SLC44A5: variants seen among roughly 807,000 people sequenced by gnomAD.
The protein encoded by SLC44A5 is choline transporter-like protein 5.
Under a neutral mutation model 101.8 loss-of-function variants are expected in SLC44A5, and 57 were observed. That is an observed-to-expected ratio of 0.56 (90% CI 0.45 to 0.70). The LOEUF is 0.70. SLC44A5 is among the 30% of genes least tolerant of loss of function. The pLI is 0.00. For missense variants in SLC44A5, 737 were observed against 853.1 expected (o/e 0.86, Z 1.70); for synonymous variants, 281 against 290.9 (o/e 0.97, Z 0.35).
intron 6 of SLC44A5, among the ~76,000 whole-genome samples, chr1:75,265,901 C>T (rs1216442016): frequency 1.3e-5 from 2 of 152,134 alleles, no homozygotes; most frequent in Non-Finnish European, 2.9e-5. Context: ...AAAAATCAAT[C>T]ACGTTCTCTT....
At chr1:75,706,664 T>G in the SLC44A5 span, among the ~76,000 whole-genome samples, 2 of 152,190 alleles carry the variant, frequency 1.3e-5, no homozygotes, top group African/African-American at 4.8e-5. Flanking sequence ...TGTTTTGCCT[T>G]GTGATTCTTG....
At chr1:75,697,692 C>T in the SLC44A5 span, among the ~76,000 whole-genome samples, 4 of 152,162 alleles carry the variant, frequency 2.6e-5, no homozygotes, top group Non-Finnish European at 5.9e-5. Flanking sequence ...CAGCTCCCAG[C>T]GTGAGTGACG....
chr1:75,467,565 A>T (rs1570366037), intron 2 of SLC44A5, among the ~76,000 whole-genome samples: 1 of 152,220 alleles, frequency 6.6e-6, no homozygotes, highest in Non-Finnish European at 1.5e-5. Flanking sequence ...AAAGGTGCCA[A>T]GAACATACAC....
At chr1:75,204,368 A>T (rs559960495) in intron 23 of SLC44A5, 14 of 152,298 alleles carry the variant, frequency 9.2e-5, no homozygotes, top group Admixed American at 6.5e-4. Context: ...TTTATTCTAC[A>T]TATTTCAATT....
At chr1:75,411,517 T>A (rs1488311764) in intron 2 of SLC44A5, among the ~76,000 whole-genome samples, 1 of 152,008 alleles carries the variant, frequency 6.6e-6, no homozygotes, top group East Asian at 1.9e-4. Flanking sequence ...GAGCATGAAG[T>A]ACCAACTATT....
intron 4 of SLC44A5, among the ~76,000 whole-genome samples, chr1:75,332,226 T>G (rs976927866): frequency 6.6e-5 from 10 of 152,188 alleles, no homozygotes; most frequent in Admixed American, 6.5e-5. Flanking sequence ...TAAAAAGAAC[T>G]GTATAATCCA....
intron 2 of SLC44A5, among the ~76,000 whole-genome samples, chr1:75,477,418 G>C (rs1354866325): frequency 6.6e-6 from 1 of 152,192 alleles, no homozygotes; most frequent in Admixed American, 6.5e-5. Flanking sequence ...TGACTTTGAC[G>C]AGTTGAGAGA....
intron 3 of SLC44A5, among the ~76,000 whole-genome samples, chr1:75,358,812 A>G (rs1174416906): frequency 1.3e-5 from 2 of 152,234 alleles, no homozygotes; most frequent in South Asian, 2.1e-4. Flanking sequence ...TCAAGCTGAT[A>G]AACATATCCC....
chr1:75,708,349 G>A, the SLC44A5 span, among the ~76,000 whole-genome samples: 1 of 145,594 alleles, frequency 6.9e-6, no homozygotes, highest in East Asian at 2.0e-4. Context: ...ATGAGGTGGA[G>A]GTTTCAGTGA....
chr1:75,578,228 T>C (rs921629325), intron 1 of SLC44A5, among the ~76,000 whole-genome samples: 18 of 152,142 alleles, frequency 1.2e-4, no homozygotes, highest in Admixed American at 1.2e-3. Flanking sequence ...TCTGTATTCA[T>C]TTTTTATGAT....
In SLC44A5 at chr1:75,511,381, TA is replaced by T. The variant is rs531959727; in HGVS notation, c.13+30053del. The stretch of plus-strand genomic sequence containing the variant: ...TTACACGGTAATTATATCAGTTAAT[TA>T]AAAATATACATAAAGGCTATGGATG... On this transcript the variant is annotated intron_variant, in intron 2 of 23. Transcript: ENST00000370859. Among the ~76,000 whole-genome samples, 724 of 152,240 alleles carry T rather than the reference TA, an allele frequency of 4.8e-3. 3 individuals are homozygous for T. The highest frequency in any genetic ancestry group is 8.0e-3 in the Non-Finnish European group (545 of 68,020).
intron 9 of SLC44A5, among the ~76,000 whole-genome samples, chr1:75,240,586 T>C (rs1648531483): frequency 6.6e-6 from 1 of 152,098 alleles, no homozygotes; most frequent in African/African-American, 2.4e-5. Context: ...ATTTTGGCTA[T>C]GGACATTTGT....
In SLC44A5 at chr1:75,532,019, TC is replaced by T. The variant is rs1557879919; in HGVS notation, c.13+9415del. 5.3e-3 allele frequency among the ~76,000 whole-genome samples: 804 copies of T among 152,274 alleles called. 8 individuals carry two copies. Among genetic ancestry groups the T allele is most frequent in the African/African-American group, 0.018 (762 of 41,552 alleles). The stretch of plus-strand genomic sequence containing the variant: ...AAACCATCAATGGAAACCATCAGCA[TC>T]ACCTGGAAACTTGTTAGAATGCAAA... On this transcript the variant is annotated intron_variant, in intron 2 of 23. Coordinates refer to ENST00000370859, the MANE Select transcript of SLC44A5 (RefSeq NM_001130058.2).
At chr1:75,217,203 G>A (rs1361588777) in intron 18 of SLC44A5, among the ~76,000 whole-genome samples, 1 of 152,026 alleles carries the variant, frequency 6.6e-6, no homozygotes, top group African/African-American at 2.4e-5. Flanking sequence ...TAGTTGAAAA[G>A]ACTGATCTTT....
intron 7 of SLC44A5, among the ~76,000 whole-genome samples, chr1:75,245,502 T>C (rs534544448): frequency 1.4e-4 from 22 of 152,256 alleles, no homozygotes; most frequent in African/African-American, 5.1e-4. Flanking sequence ...TCATGTAACT[T>C]TGAAAGACAA....
At chr1:75,709,617 A>G in the SLC44A5 span, among the ~76,000 whole-genome samples, 1 of 152,198 alleles carries the variant, frequency 6.6e-6, no homozygotes, top group Admixed American at 6.5e-5. Flanking sequence ...TTTATTAACA[A>G]AACTTTTCAT....
chr1:75,487,890 G>A (rs752197842), intron 2 of SLC44A5, among the ~76,000 whole-genome samples: 7 of 152,138 alleles, frequency 4.6e-5, no homozygotes, highest in African/African-American at 1.7e-4. Context: ...AGCCAGTGAA[G>A]CTTCATCTGT....
Position 75,406,186 on chromosome 1 carries a change from C to A in SLC44A5, c.14-9565G>T, listed in dbSNP as rs111435354. Among the ~76,000 whole-genome samples, 829 of 152,218 alleles carry A rather than the reference C, an allele frequency of 5.4e-3. 7 individuals are homozygous for A. The highest frequency in any genetic ancestry group is 0.019 in the African/African-American group (796 of 41,546). On this transcript the variant is annotated intron_variant, in intron 2 of 23. Coordinates refer to ENST00000370859, the MANE Select transcript of SLC44A5 (RefSeq NM_001130058.2). ...AGAAGAAGTTAAGTCCCTTAATAGACCAATAACAAGTTCGGAAGTTGAGGC... is the reference window on the plus strand; with the variant it reads ...AGAAGAAGTTAAGTCCCTTAATAGAACAATAACAAGTTCGGAAGTTGAGGC...
the SLC44A5 span, among the ~76,000 whole-genome samples, chr1:75,691,965 A>G: frequency 6.6e-6 from 1 of 152,168 alleles, no homozygotes; most frequent in Admixed American, 6.6e-5. Context: ...GTGGGGGGAC[A>G]CATCAGTACA....
Sources: allele counts gnomAD v4.1 joint callset (sites outside exome capture counted in the v4.1 genomes callset), GRCh38; gene constraint gnomAD v4.1.1; transcripts MANE v1.5; gene names NCBI Gene and HGNC (gene_info 2026-07-23, HGNC 2026-07-21).